Variants in LRRC7 observed in about 807,000 individuals in gnomAD.
LRRC7 encodes the protein leucine rich repeat containing 7, also known as leucine-rich repeat-containing protein 7.
Under a neutral mutation model 175.7 loss-of-function variants are expected in LRRC7, and 23 were observed. The observed-to-expected ratio is 0.13, with a 90% CI of 0.09 to 0.19. The LOEUF (loss-of-function observed/expected upper bound fraction) is 0.19. Ranked by LOEUF, LRRC7 falls within the 10% of genes least tolerant of loss-of-function variation. The probability of loss-of-function intolerance (pLI) is 1.00; values close to 1 mark genes in which losing one functional copy is unlikely to be tolerated. For missense variants in LRRC7, 1,354 were observed against 1,904.7 expected (o/e 0.71, Z 5.38); for synonymous variants, 685 against 680.9 (o/e 1.01, Z -0.09).
intron 25 of LRRC7, 120 bp from the exon 26 acceptor site, chr1:70,107,632 C>T: frequency 1.5e-6 from 1 of 651,600 alleles, no homozygotes; most frequent in Non-Finnish European, 2.7e-6. Context: ...TTCTTTGAAG[C>T]CTACATGCAT....
chr1:69,925,689 C>G (rs1387053525), intron 7 of LRRC7, among the ~76,000 whole-genome samples: 1 of 152,010 alleles, frequency 6.6e-6, no homozygotes, highest in South Asian at 2.1e-4. Context: ...TTCTTCTCTC[C>G]TTTCTTCTTT....
chr1:69,975,329 G>A (rs1260368167), intron 8 of LRRC7, among the ~76,000 whole-genome samples: 1 of 152,052 alleles, frequency 6.6e-6, no homozygotes, highest in Non-Finnish European at 1.5e-5. Context: ...TTGTACCTTA[G>A]CCAACTCTCC....
chr1:69,790,214 G>C (rs963421845), intron 3 of LRRC7, among the ~76,000 whole-genome samples: 1 of 151,918 alleles, frequency 6.6e-6, no homozygotes, highest in Admixed American at 6.6e-5. Context: ...AAGATATTAC[G>C]TAACTTGCCC....
At chr1:69,622,108 A>C (rs1650710955) in intron 1 of LRRC7, among the ~76,000 whole-genome samples, 1 of 152,210 alleles carries the variant, frequency 6.6e-6, no homozygotes, top group African/African-American at 2.4e-5. Flanking sequence ...CTGTCTTAAC[A>C]ATGCCTTATA....
At chr1:69,608,611 T>C (rs2100229170) in intron 1 of LRRC7, among the ~76,000 whole-genome samples, 1 of 152,032 alleles carries the variant, frequency 6.6e-6, no homozygotes, top group East Asian at 1.9e-4. Context: ...GTTCCTAATA[T>C]AATTTCTTTA....
At chr1:70,113,167 A>G (rs757161926) in intron 26 of LRRC7, among the ~76,000 whole-genome samples, 1 of 152,190 alleles carries the variant, frequency 6.6e-6, no homozygotes, top group Non-Finnish European at 1.5e-5. Context: ...ACACAGATAT[A>G]TATACAAACA....
At chr1:69,898,699 TAATC>T (rs1231846371) in intron 7 of LRRC7, among the ~76,000 whole-genome samples, 2 of 147,552 alleles carry the variant, frequency 1.4e-5, no homozygotes, top group Non-Finnish European at 3.0e-5. Flanking sequence ...GCTCAAATGA[TAATC>T]AATTCTAAGT....
chr1:69,606,483 A>G (rs974627436), intron 1 of LRRC7, among the ~76,000 whole-genome samples: 31 of 152,270 alleles, frequency 2.0e-4, no homozygotes, highest in Non-Finnish European at 3.2e-4. Flanking sequence ...AGAAAAAAAT[A>G]AGATACCAAA....
At chr1:69,661,874 C>T (rs1657523893) in intron 1 of LRRC7, among the ~76,000 whole-genome samples, 1 of 152,142 alleles carries the variant, frequency 6.6e-6, no homozygotes, top group African/African-American at 2.4e-5. Flanking sequence ...GGAAGGAAAG[C>T]ATGCTTTTCT....
chr1:69,726,799 A>G (rs1166066310), intron 2 of LRRC7, among the ~76,000 whole-genome samples: 1 of 152,142 alleles, frequency 6.6e-6, no homozygotes, highest in African/African-American at 2.4e-5. Context: ...ATACCAAGGA[A>G]AAAATAACAG....
intron 7 of LRRC7, among the ~76,000 whole-genome samples, chr1:69,842,076 T>A (rs948824296): frequency 6.6e-6 from 1 of 152,070 alleles, no homozygotes; most frequent in African/African-American, 2.4e-5. Flanking sequence ...ATAATTAATA[T>A]TTATAACAAC....
intron 10 of LRRC7, among the ~76,000 whole-genome samples, chr1:69,987,419 C>T (rs1391719816): frequency 6.6e-6 from 1 of 152,104 alleles, no homozygotes; most frequent in African/African-American, 2.4e-5. Context: ...CTCTTTGAAA[C>T]AGATGTGTTA....
chr1:69,790,084 T>C (rs1040434387), intron 3 of LRRC7, among the ~76,000 whole-genome samples: 2 of 152,030 alleles, frequency 1.3e-5, no homozygotes, highest in Non-Finnish European at 2.9e-5. Flanking sequence ...GATGTTAATA[T>C]GTGAAAATAT....
At chr1:70,000,404 C>T (rs553977638) in intron 11 of LRRC7, among the ~76,000 whole-genome samples, 5 of 152,238 alleles carry the variant, frequency 3.3e-5, no homozygotes, top group Admixed American at 2.0e-4. Flanking sequence ...TATCATATAA[C>T]GTAGGTGTGT....
intron 5 of LRRC7, among the ~76,000 whole-genome samples, chr1:69,827,904 T>C (rs1030850536): frequency 2.0e-5 from 3 of 152,162 alleles, no homozygotes; most frequent in Non-Finnish European, 2.9e-5. Context: ...TATACAGTCA[T>C]GTGACCATCT....
intron 1 of LRRC7, among the ~76,000 whole-genome samples, chr1:69,632,019 A>G (rs1305926138): frequency 5.3e-5 from 8 of 152,234 alleles, no homozygotes; most frequent in East Asian, 1.9e-4. Flanking sequence ...CTTTTCCAAT[A>G]CAGCCTCTTT....
chr1:69,848,529 A>G (rs536955867), intron 7 of LRRC7, among the ~76,000 whole-genome samples: 1 of 152,078 alleles, frequency 6.6e-6, no homozygotes, highest in South Asian at 2.1e-4. Context: ...TTTTACTTTT[A>G]TAAAAGACCC....
At position 69,770,607 on chromosome 1, in the gene LRRC7, T is replaced by A. The variant is rs573194669; in HGVS notation, c.303+10214T>A. Among the ~76,000 whole-genome samples, 10 of 152,282 alleles carry A rather than the reference T, an allele frequency of 6.6e-5. No individual in the cohort carries two copies. The South Asian group carries it at 2.1e-3, about 32-fold the overall frequency. On this transcript the variant is annotated intron_variant, in intron 3 of 26. Coordinates refer to ENST00000651989, the MANE Select transcript of LRRC7 (RefSeq NM_001370785.2). The stretch of plus-strand genomic sequence containing the variant: ...TTGCTGCTTAAACAGTTGTCATGAT[T>A]GAGAATATGAAATGTGTTGCTCGAG...
rs561798753 is a variant in LRRC7 at position 69,857,411 on chromosome 1, C to G, written c.647+19128C>G. ...TCCTTAAGCTGATAAGCAACTTCAGCAAACTCTCAGGATACAAAATCAATG... is the reference window on the plus strand; with the variant it reads ...TCCTTAAGCTGATAAGCAACTTCAGGAAACTCTCAGGATACAAAATCAATG... On this transcript the variant is annotated intron_variant, in intron 7 of 26. Transcript: ENST00000651989. Among the ~76,000 whole-genome samples, 41 of 152,278 alleles carry G rather than the reference C, an allele frequency of 2.7e-4. No homozygotes were observed. The South Asian group carries it at 8.5e-3, about 32-fold the overall frequency.
Sources: gnomAD v4.1 joint callset for allele counts (sites outside exome capture counted in the v4.1 genomes callset) on GRCh38, gnomAD v4.1.1 for gene constraint, MANE v1.5 for transcripts, NCBI Gene and HGNC (gene_info 2026-07-23, HGNC 2026-07-21) for gene names.